The following RANBP2 variants were observed in gnomAD, a reference collection of about 807,000 sequenced individuals.
The protein encoded by RANBP2 is E3 SUMO-protein ligase RanBP2.
A neutral mutation model predicts 303.6 loss-of-function variants in RANBP2; 57 were observed. The observed-to-expected ratio is 0.19, with a 90% CI of 0.15 to 0.23. RANBP2 has a LOEUF of 0.23. Among genes scored for constraint, RANBP2 ranks in the 10% least tolerant of loss-of-function variants. The probability of loss-of-function intolerance (pLI) is 1.00; values close to 1 mark genes in which losing one functional copy is unlikely to be tolerated. For synonymous variants in RANBP2, 1,167 were observed against 1,301.5 expected (o/e 0.90, Z 2.23); for missense variants, 3,138 against 3,780.8 (o/e 0.83, Z 4.46).
chr2:109,167,048 G>A, the RANBP2 span, among the ~76,000 whole-genome samples: 1 of 152,186 alleles, frequency 6.6e-6, no homozygotes, highest in Non-Finnish European at 1.5e-5. Flanking sequence ...TGTCCCGTGG[G>A]AATACCATGG....
At chr2:109,222,941 G>A in the RANBP2 span, among the ~76,000 whole-genome samples, 1 of 152,248 alleles carries the variant, frequency 6.6e-6, no homozygotes, top group Admixed American at 6.5e-5. Context: ...ACCTGCCCCT[G>A]CCTGGGGCTA....
the RANBP2 span, among the ~76,000 whole-genome samples, chr2:109,181,557 A>G: frequency 1.3e-4 from 20 of 152,306 alleles, no homozygotes; most frequent in East Asian, 3.7e-3. Flanking sequence ...GGTCCATGCC[A>G]CACTCCTACT....
the RANBP2 span, among the ~76,000 whole-genome samples, chr2:109,321,641 A>G: frequency 1.3e-5 from 2 of 152,242 alleles, no homozygotes; most frequent in African/African-American, 4.8e-5. Flanking sequence ...GTCTAGATAA[A>G]ACCCTCTTGT....
chr2:109,616,899 G>T, the RANBP2 span: 1 of 166,922 alleles, frequency 6.0e-6, no homozygotes, highest in East Asian at 1.9e-4. Context: ...ACTAACTTTT[G>T]TTACTATTCT....
the RANBP2 span, among the ~76,000 whole-genome samples, chr2:109,473,950 C>T: frequency 6.6e-6 from 1 of 152,178 alleles, no homozygotes; most frequent in Non-Finnish European, 1.5e-5. Context: ...CCCACAGGGG[C>T]AGAAAGTCTT....
At chr2:109,197,522 C>T in the RANBP2 span, among the ~76,000 whole-genome samples, 1 of 152,218 alleles carries the variant, frequency 6.6e-6, no homozygotes, top group African/African-American at 2.4e-5. Flanking sequence ...GAGTCAGATG[C>T]CCATATTCCC....
downstream of RANBP2, chr2:108,788,997 C>T: frequency 6.2e-7 from 1 of 1,610,718 alleles, no homozygotes; most frequent in South Asian, 1.1e-5. Context: ...ACTGTTGCTA[C>T]CCCCTCAGTA....
chr2:109,120,651 G>T, the RANBP2 span, among the ~76,000 whole-genome samples: 43 of 89,910 alleles, frequency 4.8e-4, no homozygotes, highest in African/African-American at 1.8e-3. Flanking sequence ...TGGGCAAAAA[G>T]AGCGAAACTC....
At chr2:108,817,560 G>T in the RANBP2 span, among the ~76,000 whole-genome samples, 14 of 152,208 alleles carry the variant, frequency 9.2e-5, no homozygotes, top group Non-Finnish European at 1.6e-4. Context: ...CAAAGTGCTG[G>T]GATTACAGGC....
At chr2:109,641,212 C>T in the RANBP2 span, among the ~76,000 whole-genome samples, 1 of 152,066 alleles carries the variant, frequency 6.6e-6, no homozygotes, top group Admixed American at 6.6e-5. Context: ...GATCTTGGCT[C>T]ACTGCAACCT....
the RANBP2 span, among the ~76,000 whole-genome samples, chr2:109,595,872 TGAG>T: frequency 6.6e-6 from 1 of 152,102 alleles, no homozygotes; most frequent in African/African-American, 2.4e-5. Context: ...TTAGACACAA[TGAG>T]GAGGAGGGTA....
chr2:109,342,301 G>A, the RANBP2 span, among the ~76,000 whole-genome samples: 1 of 152,198 alleles, frequency 6.6e-6, no homozygotes, highest in Admixed American at 6.5e-5. Flanking sequence ...GGGCCAAATA[G>A]AGGCTGTGAG....
At chr2:108,977,367 C>A in the RANBP2 span, among the ~76,000 whole-genome samples, 1 of 152,208 alleles carries the variant, frequency 6.6e-6, no homozygotes, top group East Asian at 1.9e-4. Context: ...CTCCCGGGTT[C>A]ACGCCATTCT....
chr2:109,132,562 C>A, the RANBP2 span, among the ~76,000 whole-genome samples: 5 of 152,130 alleles, frequency 3.3e-5, no homozygotes, highest in Non-Finnish European at 7.3e-5. Context: ...AAATAATATA[C>A]CCAGTGACGA....
chr2:109,319,022 G>A, the RANBP2 span, among the ~76,000 whole-genome samples: 1 of 152,232 alleles, frequency 6.6e-6, no homozygotes, highest in Non-Finnish European at 1.5e-5. Context: ...GATTACAGAT[G>A]GGAAAGGAGT....
chr2:108,955,895 G>A, the RANBP2 span, among the ~76,000 whole-genome samples: 1 of 151,944 alleles, frequency 6.6e-6, no homozygotes, highest in African/African-American at 2.4e-5. Context: ...CGGGCATGGT[G>A]GCAGGCGCCT....
the RANBP2 span, among the ~76,000 whole-genome samples, chr2:109,402,956 A>T: frequency 1.3e-5 from 2 of 152,202 alleles, no homozygotes; most frequent in South Asian, 2.1e-4. Flanking sequence ...CTTGCTGGGC[A>T]CTGTGCTGTC....
chr2:109,214,041 G>A, the RANBP2 span, among the ~76,000 whole-genome samples: 2 of 152,134 alleles, frequency 1.3e-5, no homozygotes, highest in Non-Finnish European at 2.9e-5. Context: ...CTGCAGTTCT[G>A]GTTGGAGGAA....
the RANBP2 span, chr2:108,856,694 T>C: frequency 9.0e-7 from 1 of 1,109,394 alleles, no homozygotes; most frequent in Non-Finnish European, 1.3e-6. Context: ...TGTTTGTCTT[T>C]TGAGTTTGTT....
Sources: allele counts gnomAD v4.1 joint callset (sites outside exome capture counted in the v4.1 genomes callset), GRCh38; gene constraint gnomAD v4.1.1; transcripts MANE v1.5; gene names NCBI Gene and HGNC (gene_info 2026-07-23, HGNC 2026-07-21).